TRDN: variants seen among roughly 807,000 people sequenced by gnomAD.
The protein encoded by TRDN is triadin.
In TRDN, 161 loss-of-function variants were observed where a neutral mutation model predicts 149.7. That is an observed-to-expected ratio of 1.08 (90% CI 0.95 to 1.23). The LOEUF (loss-of-function observed/expected upper bound fraction) is 1.23. TRDN is among the 50% of genes most tolerant of loss of function. The probability of loss-of-function intolerance (pLI) is 0.00; values close to 1 mark genes in which losing one functional copy is unlikely to be tolerated. For synonymous variants in TRDN, 294 were observed against 250.5 expected (o/e 1.17, Z -1.64); for missense variants, 896 against 823.5 (o/e 1.09, Z -1.08).
chr6:123,509,008 C>T (rs1779048068), intron 7 of TRDN, among the ~76,000 whole-genome samples: 1 of 151,814 alleles, frequency 6.6e-6, no homozygotes, highest in Non-Finnish European at 1.5e-5. Context: ...AAATAAAAAG[C>T]ATATACTGTA....
intron 6 of TRDN, among the ~76,000 whole-genome samples, chr6:123,515,304 A>C (rs1263269943): frequency 1.3e-5 from 2 of 152,046 alleles, no homozygotes; most frequent in Non-Finnish European, 2.9e-5. Flanking sequence ...AAAGAGATAG[A>C]TATCATAAGA....
At chr6:123,617,379 T>C (rs1785148704) in intron 1 of TRDN, among the ~76,000 whole-genome samples, 2 of 152,168 alleles carry the variant, frequency 1.3e-5, no homozygotes, top group South Asian at 4.1e-4. Flanking sequence ...GAAATGCCTG[T>C]TGAGTTGAAT....
rs535285791 is a variant in TRDN at position 123,559,359 on chromosome 6, A to G, written c.233-10747T>C. Among the ~76,000 whole-genome samples the G allele has an allele frequency of 3.3e-4, 50 of 152,132 alleles. No homozygotes were observed. In the East Asian group the frequency reaches 5.5e-3, roughly 17 times the overall value. The stretch of plus-strand genomic sequence containing the variant: ...AATACTCTTTTAAGCACTCCTTTTA[A>G]TTATCCCCACCTGCCCAGTTCCCTA... On this transcript the variant is annotated intron_variant, in intron 2 of 40. Coordinates refer to ENST00000334268, the MANE Select transcript of TRDN (RefSeq NM_006073.4).
intron 1 of TRDN, among the ~76,000 whole-genome samples, chr6:123,584,621 T>C (rs1783341133): frequency 6.6e-6 from 1 of 152,022 alleles, no homozygotes; most frequent in African/African-American, 2.4e-5. Flanking sequence ...AGGATGAAAT[T>C]TGGGCTTGAC....
At position 123,548,412 on chromosome 6, in the gene TRDN, T is replaced by G. The variant is rs148949005; in HGVS notation, c.391+42A>C. The G allele has an allele frequency of 5.8e-4, 810 of 1,395,152 alleles. 8 individuals are homozygous for G. In the African/African-American group the frequency reaches 0.011, roughly 18 times the overall value. 86.4% of individuals were successfully genotyped at this position (1,395,152 alleles called of 1,614,324 possible). ...GCAAGCCACTATAATACATATTTAA[T>G]GTTGCTCCTAGCAGTTAGATATATC... is the stretch of plus-strand genomic sequence containing the variant. On this transcript the variant is annotated intron_variant, in intron 3 of 40. Coordinates refer to ENST00000334268, the MANE Select transcript of TRDN (RefSeq NM_006073.4).
chr6:123,484,385 A>T (rs1777892528), intron 9 of TRDN, among the ~76,000 whole-genome samples: 1 of 152,316 alleles, frequency 6.6e-6, no homozygotes, highest in South Asian at 2.1e-4. Flanking sequence ...CTGGAAGAAT[A>T]TATTCATGTA....
At chr6:123,314,435 T>G (rs1778949474) in intron 24 of TRDN, among the ~76,000 whole-genome samples, 1 of 151,992 alleles carries the variant, frequency 6.6e-6, no homozygotes, top group African/African-American at 2.4e-5. Flanking sequence ...GAAAACAGTG[T>G]GGCGATTCAT....
At position 123,295,784 on chromosome 6, in the gene TRDN, C is replaced by T. The variant is rs530417233; in HGVS notation, c.1511-16702G>A. On this transcript the variant is annotated intron_variant, in intron 24 of 40. Coordinates refer to ENST00000334268, the MANE Select transcript of TRDN (RefSeq NM_006073.4). ...TTTGAGACCGACCTGGCCAACACAGCGAAACCCCATCTATACTAAAAATAC... is the reference window on the plus strand; with the variant it reads ...TTTGAGACCGACCTGGCCAACACAGTGAAACCCCATCTATACTAAAAATAC... 2.1e-4 allele frequency among the ~76,000 whole-genome samples: 32 copies of T among 151,942 alleles called. No individual in the cohort carries two copies. In the South Asian group the frequency reaches 4.4e-3, roughly 21 times the overall value.
intron 24 of TRDN, among the ~76,000 whole-genome samples, chr6:123,308,083 G>A (rs1778679371): frequency 6.6e-6 from 1 of 151,784 alleles, no homozygotes; most frequent in Non-Finnish European, 1.5e-5. Context: ...CTAATGTTTA[G>A]CTCCCAGTTA....
chr6:123,553,826 C>A (rs1259736165), intron 2 of TRDN, among the ~76,000 whole-genome samples: 1 of 152,172 alleles, frequency 6.6e-6, no homozygotes, highest in African/African-American at 2.4e-5. Flanking sequence ...TTATCTCCCA[C>A]TGGGGCCCTC....
Position 123,548,554 on chromosome 6 carries a change from C to T in TRDN, c.291G>A (p.Glu97=), listed in dbSNP as rs761259550. Residue 97 remains glutamate, a synonymous_variant, in exon 3 of 41, where the codon GAG becomes GAA. Coordinates refer to ENST00000334268, the MANE Select transcript of TRDN (RefSeq NM_006073.4). ...DPLKLVRDAM[E]ETTDWIYGFF... is the part of the protein sequence containing the mutation. ...AGCCATAGATCCAGTCCGTGGTTTCCTCCATAGCATCACGTACCAGTTTTA... is the reference window on the plus strand; with the variant it reads ...AGCCATAGATCCAGTCCGTGGTTTCTTCCATAGCATCACGTACCAGTTTTA... The T allele has an allele frequency of 8.9e-6, 14 of 1,571,752 alleles. No individual in the cohort carries two copies. The South Asian group carries it at 1.4e-4, about 16-fold the overall frequency.
rs1406295146 is a variant in TRDN, at chr6:123,377,916, T to C, written c.1187-18A>G. On this transcript the variant is annotated intron_variant, in intron 16 of 40. Transcript: ENST00000334268. ...TTCCTGTTCTGAAACATATTATTAT[T>C]GTTATTATTATTATCGTTATTATTC... is the stretch of plus-strand genomic sequence containing the variant. The C allele has an allele frequency of 1.4e-6, 2 of 1,415,046 alleles. No homozygotes were observed. The highest frequency in any genetic ancestry group is 1.9e-6 in the Non-Finnish European group (2 of 1,041,264). The allele number at this position is 1,415,046 out of a possible 1,614,324, so 87.7% of individuals were successfully genotyped here.
At chr6:123,472,053 G>T (rs1231092278) in intron 9 of TRDN, among the ~76,000 whole-genome samples, 1 of 152,188 alleles carries the variant, frequency 6.6e-6, no homozygotes, top group African/African-American at 2.4e-5. Context: ...CAAAGGTCAT[G>T]CATTGAGAAC....
At chr6:123,408,699 T>C (rs1773302464) in intron 12 of TRDN, among the ~76,000 whole-genome samples, 1 of 151,718 alleles carries the variant, frequency 6.6e-6, no homozygotes, top group African/African-American at 2.4e-5. Context: ...AAAAGAATTG[T>C]TTGGCAACAT....
At chr6:123,609,125 G>A (rs962190382) in intron 1 of TRDN, among the ~76,000 whole-genome samples, 2 of 151,792 alleles carry the variant, frequency 1.3e-5, no homozygotes, top group Non-Finnish European at 2.9e-5. Context: ...GTGAGCCGAG[G>A]TTGTGACACT....
At chr6:123,265,398 A>T (rs934363273) in intron 32 of TRDN, 60 bp from the exon 33 acceptor site, 2 of 1,108,606 alleles carry the variant, frequency 1.8e-6, no homozygotes, top group Non-Finnish European at 2.5e-6. Context: ...TATGGGTGAC[A>T]TATCAGCCCT....
chr6:123,364,022 A>G (rs932286262), intron 20 of TRDN, among the ~76,000 whole-genome samples: 3 of 152,190 alleles, frequency 2.0e-5, no homozygotes, highest in Non-Finnish European at 4.4e-5. Flanking sequence ...GCTGTAACCA[A>G]TCTAGCTGTT....
chr6:123,374,732 G>A (rs141972612), intron 19 of TRDN, among the ~76,000 whole-genome samples: 1,915 of 151,880 alleles, frequency 0.013, 32 homozygotes, highest in African/African-American at 0.035. Flanking sequence ...CCAAGATCAC[G>A]CCGCTGCACT....
intron 8 of TRDN, chr6:123,501,882 C>T: frequency 1.1e-5 from 11 of 965,070 alleles, no homozygotes; most frequent in South Asian, 4.8e-5. Context: ...AAATGAAATA[C>T]AATATTTGTG....
Sources: allele counts gnomAD v4.1 joint callset (sites outside exome capture counted in the v4.1 genomes callset), GRCh38; gene constraint gnomAD v4.1.1; transcripts MANE v1.5; gene names NCBI Gene and HGNC (gene_info 2026-07-23, HGNC 2026-07-21).